Variants in CACNA1C observed in about 807,000 individuals in gnomAD.
The protein encoded by CACNA1C is calcium voltage-gated channel subunit alpha1 C.
CACNA1C carries 30 observed loss-of-function variants against 229.0 expected under a neutral mutation model. The observed-to-expected ratio is 0.13, with a 90% CI of 0.10 to 0.18. The LOEUF (loss-of-function observed/expected upper bound fraction) is 0.18, where lower values mean the gene tolerates loss of function less well. Ranked by LOEUF, CACNA1C falls within the 10% of genes least tolerant of loss-of-function variation. The pLI is 1.00. For synonymous variants in CACNA1C, 1,114 were observed against 1,132.5 expected (o/e 0.98, Z 0.33); for missense variants, 1,658 against 2,845.0 (o/e 0.58, Z 9.49).
rs1266709957 is a variant in CACNA1C, at chr12:1,971,158, G to A, written c.96G>A (p.Leu32=). 7.8e-7 allele frequency: 1 copy of A among 1,289,262 alleles called. No homozygotes were observed. Among genetic ancestry groups the A allele is most frequent in the Non-Finnish European group, 1.0e-6 (1 of 988,456 alleles). The allele number at this position is 1,289,262 out of a possible 1,614,324, so 79.9% of individuals were successfully genotyped here. ...CGGAGGTCAAGTTTAAGGGTACTTT[G>A]GTGCATGAAGCTCAACTCAACTATT... Residue 32 remains leucine (L), a synonymous_variant, in exon 1 of 47, where the codon TTG becomes TTA. Transcript: ENST00000682462. The surrounding 1 kb of genome is among the most constrained non-coding windows in gnomAD (Gnocchi z 4.2).
At chr12:2,674,900 C>G (rs914814297) in intron 39 of CACNA1C, among the ~76,000 whole-genome samples, 6 of 152,160 alleles carry the variant, frequency 3.9e-5, no homozygotes, top group Admixed American at 1.3e-4. Flanking sequence ...CTGGTACAAC[C>G]CTGCTTTTTA....
chr12:2,606,836 T>A (rs1358592482), intron 25 of CACNA1C, 148 bp from the exon 26 acceptor site: 12 of 1,035,660 alleles, frequency 1.2e-5, no homozygotes, highest in African/African-American at 3.2e-5. Context: ...GTTCCTGAAG[T>A]TTCTGCCCAC....
At chr12:2,534,562 A>G (rs1249993701) in intron 9 of CACNA1C, among the ~76,000 whole-genome samples, 1 of 152,186 alleles carries the variant, frequency 6.6e-6, no homozygotes, top group Non-Finnish European at 1.5e-5. Context: ...CAAGGCAAAG[A>G]AATCTTAGAG....
At chr12:2,071,147 T>C (rs1595012845) in intron 1 of CACNA1C, among the ~76,000 whole-genome samples, 1 of 14,176 alleles carries the variant, frequency 7.1e-5, no homozygotes, top group Non-Finnish European at 1.2e-4. Flanking sequence ...CCCTCCTCCC[T>C]CCCTCCCTCC....
chr12:2,087,381 G>A (rs551804418), intron 1 of CACNA1C, among the ~76,000 whole-genome samples: 1 of 152,336 alleles, frequency 6.6e-6, no homozygotes, highest in South Asian at 2.1e-4. Flanking sequence ...TTTGAACTCT[G>A]TTTTTAGAGA....
chr12:2,491,633 A>G (rs944808567), intron 6 of CACNA1C, among the ~76,000 whole-genome samples: 44 of 149,324 alleles, frequency 2.9e-4, no homozygotes, highest in African/African-American at 1.1e-3. Flanking sequence ...AGAGGAGAAG[A>G]AGGAGGAGGA....
intron 5 of CACNA1C, among the ~76,000 whole-genome samples, chr12:2,463,280 A>G (rs1400406358): frequency 6.6e-6 from 1 of 152,204 alleles, no homozygotes; most frequent in Admixed American, 6.5e-5. Context: ...CAGGTTATGG[A>G]AATAGATGAT....
chr12:2,509,743 C>G (rs1200596536), intron 8 of CACNA1C, among the ~76,000 whole-genome samples: 1 of 152,086 alleles, frequency 6.6e-6, no homozygotes, highest in Non-Finnish European at 1.5e-5. Flanking sequence ...AAACATGGCA[C>G]TAAGTGGACG....
In CACNA1C at chr12:2,268,551, G is replaced by A. The variant is rs948815109; in HGVS notation, c.477+148121G>A. ...TTGGCTGGAGTGGGAGGTCACATTC[G>A]CCCCATGGTGGGATGGCCAAGGGCT... On this transcript the variant is annotated intron_variant, in intron 3 of 46. Coordinates refer to ENST00000399655, the MANE Select transcript of CACNA1C (RefSeq NM_000719.7). Among the ~76,000 whole-genome samples, 6 of 152,078 alleles carry A rather than the reference G, an allele frequency of 3.9e-5. No homozygotes were observed. In the East Asian group the frequency reaches 5.8e-4, roughly 15 times the overall value.
chr12:2,265,471 G>A (rs1159608126), intron 3 of CACNA1C, among the ~76,000 whole-genome samples: 1 of 152,154 alleles, frequency 6.6e-6, no homozygotes, highest in Non-Finnish European at 1.5e-5. Context: ...CAGAGTGGGG[G>A]GCTGGAACGT....
chr12:2,496,666 C>T (rs1455350301), intron 7 of CACNA1C, among the ~76,000 whole-genome samples: 2 of 152,226 alleles, frequency 1.3e-5, no homozygotes, highest in African/African-American at 2.4e-5. Flanking sequence ...TCGAGTAATA[C>T]TTGAACATTG....
At chr12:2,300,085 G>T (rs1317583551) in intron 3 of CACNA1C, among the ~76,000 whole-genome samples, 1 of 152,236 alleles carries the variant, frequency 6.6e-6, no homozygotes, top group African/African-American at 2.4e-5. Flanking sequence ...GAAGTCTGAG[G>T]CAAATCTAGA....
At chr12:2,583,263 GGCCGGCTGCCCTGGGGCC>G (rs2061248031) in intron 15 of CACNA1C, among the ~76,000 whole-genome samples, 2 of 152,242 alleles carry the variant, frequency 1.3e-5, no homozygotes, top group South Asian at 4.1e-4. Flanking sequence ...CGCGGGAGCG[GGCCGGCTGCCCTGGGGCC>G]GCGGCGTCTG....
rs2097055897 is a variant in CACNA1C, at chr12:2,187,108, G to A, written c.477+66678G>A. The stretch of plus-strand genomic sequence containing the variant: ...CATGGTAAAACGTTATCTTACATTT[G>A]TGTACCTTTTCATGTTTTCAGAACC... On this transcript the variant is annotated intron_variant, in intron 3 of 46. Transcript: ENST00000399655. 2.6e-5 allele frequency among the ~76,000 whole-genome samples: 4 copies of A among 152,246 alleles called. No individual in the cohort carries two copies. The South Asian group carries it at 8.3e-4, about 32-fold the overall frequency.
In CACNA1C at chr12:2,346,199, C is replaced by T. The variant is rs59194095; in HGVS notation, c.478-102777C>T. The stretch of plus-strand genomic sequence containing the variant: ...TGGAGCCGAGGAAGGCAGAGGTGTG[C>T]GTGTGTGTCTCTGTGTGTGTCATCT... On this transcript the variant is annotated intron_variant, in intron 3 of 46. Transcript: ENST00000399655. The surrounding 1 kb of genome is among the most constrained non-coding windows in gnomAD (Gnocchi z 4.4). Among the ~76,000 whole-genome samples, 3,238 of 151,892 alleles carry T rather than the reference C, an allele frequency of 0.021. 126 individuals are homozygous for T. The highest frequency in any genetic ancestry group is 0.074 in the African/African-American group (3,076 of 41,396).
In CACNA1C at chr12:2,053,673, A is replaced by G. The variant is rs1373859130; in HGVS notation, c.49+62A>G. The G allele has an allele frequency of 4.7e-6, 6 of 1,275,378 alleles. No homozygotes were observed. Among genetic ancestry groups the G allele is most frequent in the Non-Finnish European group, 3.1e-6 (3 of 979,456 alleles). 79.0% of individuals were successfully genotyped at this position (1,275,378 alleles called of 1,614,324 possible). On this transcript the variant is annotated intron_variant, in intron 1 of 46. Coordinates refer to ENST00000399655, the MANE Select transcript of CACNA1C (RefSeq NM_000719.7). This position sits in a 1 kb window ranked among gnomAD's most constrained non-coding sequence, Gnocchi z 5.8. ...GCCTTTTCCACCGGGTTCCTGCCCT[A>G]CCCGCGCTCCCCGCGGCCCCGGGGC...
At chr12:2,081,414 A>G (rs2065556410) in intron 1 of CACNA1C, among the ~76,000 whole-genome samples, 1 of 152,162 alleles carries the variant, frequency 6.6e-6, no homozygotes, top group Non-Finnish European at 1.5e-5. Flanking sequence ...ACTAAAAAAT[A>G]CAAAAAATTA....
At chr12:2,378,319 A>G (rs535009948) in intron 3 of CACNA1C, among the ~76,000 whole-genome samples, 2 of 152,182 alleles carry the variant, frequency 1.3e-5, no homozygotes, top group Non-Finnish European at 2.9e-5. Context: ...GGGCCTCTGC[A>G]TGTGGATGGG....
At chr12:2,648,401 A>G (rs1346744650) in intron 30 of CACNA1C, 74 bp from the exon 31 acceptor site, 2 of 1,392,846 alleles carry the variant, frequency 1.4e-6, no homozygotes, top group African/African-American at 2.8e-5. Flanking sequence ...CTCCCGTGTC[A>G]GCCAAGACCT....
Sources: allele counts gnomAD v4.1 joint callset (sites outside exome capture counted in the v4.1 genomes callset), GRCh38; gene constraint gnomAD v4.1.1; non-coding constraint Gnocchi (gnomAD v3.1); transcripts MANE v1.5; gene names NCBI Gene and HGNC (gene_info 2026-07-23, HGNC 2026-07-21).